The following L3MBTL1 variants were observed in gnomAD, a reference collection of about 807,000 sequenced individuals.
L3MBTL1 encodes L3MBTL histone methyl-lysine binding protein 1, also known as lethal(3)malignant brain tumor-like protein 1.
In L3MBTL1, 75 loss-of-function variants were observed where a neutral mutation model predicts 105.3. The observed-to-expected ratio is 0.71, with a 90% CI of 0.59 to 0.86. L3MBTL1 has a LOEUF of 0.86. L3MBTL1 is among the 40% of genes least tolerant of loss of function. The pLI, the probability that L3MBTL1 is intolerant of heterozygous loss-of-function variation, is 0.00. For synonymous variants in L3MBTL1, 452 were observed against 436.2 expected (o/e 1.04, Z -0.45); for missense variants, 1,069 against 1,126.4 (o/e 0.95, Z 0.73).
At chr20:43,528,492 C>T (rs2019147487) in intron 7 of L3MBTL1, among the ~76,000 whole-genome samples, 165 bp from the exon 8 acceptor site, 1 of 152,214 alleles carries the variant, frequency 6.6e-6, no homozygotes. Context: ...AGCCTCCCCT[C>T]AGCCCCGTGT....
intron 19 of L3MBTL1, among the ~76,000 whole-genome samples, chr20:43,538,458 T>C (rs767156797): frequency 1.4e-4 from 22 of 152,224 alleles, no homozygotes; most frequent in Non-Finnish European, 2.2e-4. Flanking sequence ...CCTGCTCTTC[T>C]AGCTGGCCTG....
intron 6 of L3MBTL1, 45 bp downstream of exon 6, chr20:43,515,460 T>C: frequency 6.5e-7 from 1 of 1,535,238 alleles, no homozygotes; most frequent in East Asian, 2.5e-5. Flanking sequence ...CTATAGCCTA[T>C]GCCTCAATTC....
chr20:43,519,635 T>G (rs1013376397), intron 7 of L3MBTL1, among the ~76,000 whole-genome samples: 2 of 152,056 alleles, frequency 1.3e-5, no homozygotes, highest in African/African-American at 4.8e-5. Context: ...AAACTCCATC[T>G]CAAAAAAGAA....
In L3MBTL1 at chr20:43,513,544, A is replaced by G. The variant is rs1386192343; in HGVS notation, c.41A>G (p.Lys14Arg). 8 of 1,550,584 alleles carry G rather than the reference A, an allele frequency of 5.2e-6. No individual in the cohort carries two copies. The Admixed American group carries it at 1.6e-4, about 30-fold the overall frequency. ...GAAATGGAGATGCTGAGGACACTGA[A>G]GGGGCCTTCCACAGGGGAGGTCAGC... is the stretch of plus-strand genomic sequence containing the variant. ...HAEMEMLRTL[K>R]GPSTGEVSMH... Residue 14 changes from lysine (K) to arginine (R), a missense_variant, in exon 2 of 22, where the codon AAG becomes AGG. Transcript: ENST00000418998.
Position 43,530,388 on chromosome 20 carries a change from G to A in L3MBTL1, c.1161G>A (p.Glu387=), listed in dbSNP as rs201018207. 159 of 1,614,046 alleles carry A rather than the reference G, an allele frequency of 9.9e-5. No homozygotes were observed. Among genetic ancestry groups the A allele is most frequent in the Non-Finnish European group, 1.2e-4 (146 of 1,180,026 alleles). The change falls in exon 10 of 22, where the codon GAG becomes GAA. Residue 387 remains glutamate, a synonymous_variant. Coordinates refer to ENST00000418998, the MANE Select transcript of L3MBTL1 (RefSeq NM_001377303.1). Reference sequence around the variant, plus strand: ...ACATTCACCCTGCTGGCTGGTTCGAGAAGACGGGCCACAAGCTGCAGCCTC... The same window carrying A: ...ACATTCACCCTGCTGGCTGGTTCGAAAAGACGGGCCACAAGCTGCAGCCTC... ...SPDIHPAGWF[E]KTGHKLQPPK...
At chr20:43,522,847 A>T (rs2018806064) in intron 7 of L3MBTL1, among the ~76,000 whole-genome samples, 1 of 147,738 alleles carries the variant, frequency 6.8e-6, no homozygotes, top group African/African-American at 2.5e-5. Context: ...TCACCTCTAT[A>T]ATCCCAGCAC....
chr20:43,547,261 C>T (rs1052204047), intron 18 of L3MBTL1, among the ~76,000 whole-genome samples: 5 of 152,076 alleles, frequency 3.3e-5, no homozygotes, highest in Admixed American at 6.5e-5. Flanking sequence ...CCCGCCACCA[C>T]GCCCAGCTAA....
intron 7 of L3MBTL1, 40 bp downstream of exon 7, chr20:43,516,217 G>A: frequency 6.8e-7 from 1 of 1,462,718 alleles, no homozygotes. Context: ...TGTGAGGTGT[G>A]TATATACCTT....
intron 7 of L3MBTL1, chr20:43,523,652 C>T (rs984292258): frequency 4.7e-5 from 9 of 193,180 alleles, no homozygotes; most frequent in Admixed American, 1.0e-4. Context: ...AAGGTCTGTA[C>T]TGGTCAACAA....
intron 7 of L3MBTL1, among the ~76,000 whole-genome samples, chr20:43,522,129 G>T (rs1052848479): frequency 3.9e-5 from 6 of 152,136 alleles, no homozygotes; most frequent in African/African-American, 1.4e-4. Context: ...GGCCGAGGCG[G>T]GTGGATCACG....
At chr20:43,549,581 G>C (rs1978850255) in exon 19 of L3MBTL1, 1 of 152,378 alleles carries the variant, frequency 6.6e-6, no homozygotes. Context: ...TGGGTGGGAA[G>C]GGGGAGAGCC....
chr20:43,513,928 T>C lies in L3MBTL1; in HGVS notation c.227T>C (p.Val76Ala), dbSNP rs1345701549. 2 of 1,550,384 alleles carry C rather than the reference T, an allele frequency of 1.3e-6. No individual in the cohort carries two copies. Among genetic ancestry groups the C allele is most frequent in the African/African-American group, 1.4e-5 (1 of 73,178 alleles). The change falls in exon 3 of 22, where the codon GTG (valine) becomes GCG (alanine). Residue 76 changes from valine (V) to alanine (A), a missense_variant. Transcript: ENST00000418998. ...ATCCATGTGGGTGCCCCGGAGCAAGTGGCCGGCTGCGAACCAGTTTCTGCC... is the reference window on the plus strand; with the variant it reads ...ATCCATGTGGGTGCCCCGGAGCAAGCGGCCGGCTGCGAACCAGTTTCTGCC... ...EPIHVGAPEQVAGCEPVSATV... is the reference protein window; with the variant it reads ...EPIHVGAPEQAAGCEPVSATV...
At position 43,523,765 on chromosome 20, in the gene L3MBTL1, G is replaced by A. The variant is rs184386182; in HGVS notation, c.863-4892G>A. Among the ~76,000 whole-genome samples, 865 of 152,054 alleles carry A rather than the reference G, an allele frequency of 5.7e-3. 26 individuals are homozygous for A. The highest frequency in any genetic ancestry group is 0.051 in the Admixed American group (783 of 15,270). ...AGATAGAAATAGGGGAGGCCAAGGC[G>A]GGCGAATTGCCTGAGGTCAGGAGTT... On this transcript the variant is annotated intron_variant, in intron 7 of 21. Transcript: ENST00000418998.
At chr20:43,515,640 G>A (rs1426542377) in intron 6 of L3MBTL1, 5 of 572,640 alleles carry the variant, frequency 8.7e-6, no homozygotes, top group Non-Finnish European at 1.5e-5. Flanking sequence ...TCAGTTTAGT[G>A]TCAAGGTTAA....
chr20:43,515,189 C>A (rs1568918255), intron 5 of L3MBTL1, 30 bp downstream of exon 5: 1 of 1,614,094 alleles, frequency 6.2e-7, no homozygotes, highest in Non-Finnish European at 8.5e-7. Flanking sequence ...GCCCTACTTG[C>A]TCTACCTTCA....
At chr20:43,524,655 T>A (rs1402929538) in intron 7 of L3MBTL1, among the ~76,000 whole-genome samples, 1 of 152,056 alleles carries the variant, frequency 6.6e-6, no homozygotes, top group Non-Finnish European at 1.5e-5. Flanking sequence ...TAACAAGCAT[T>A]TGTTGTGCAT....
In L3MBTL1 at chr20:43,534,816, T is replaced by C. The variant is rs757497391; in HGVS notation, c.1711-12T>C. On this transcript the variant is annotated splice_polypyrimidine_tract_variant and intron_variant, in intron 15 of 21. Coordinates refer to ENST00000418998, the MANE Select transcript of L3MBTL1 (RefSeq NM_001377303.1). ...GAGAAACGCCTGACTTCCAAGAGCCTTTCCTCCCCAGATCCACTTTGATGG... is the reference window on the plus strand; with the variant it reads ...GAGAAACGCCTGACTTCCAAGAGCCCTTCCTCCCCAGATCCACTTTGATGG... 1 of 1,599,004 alleles carries C rather than the reference T, an allele frequency of 6.3e-7. No individual in the cohort carries two copies.
chr20:43,529,194 C>T (rs972731148), intron 8 of L3MBTL1, 70 bp from the exon 9 acceptor site: 60 of 1,221,848 alleles, frequency 4.9e-5, no homozygotes, highest in Non-Finnish European at 7.0e-5. Context: ...GCAGCTCCTT[C>T]ACCCCAAGCC....
chr20:43,528,801 C>T (rs759499490), intron 8 of L3MBTL1, 56 bp downstream of exon 8: 3 of 1,336,830 alleles, frequency 2.2e-6, no homozygotes, highest in East Asian at 4.6e-5. Flanking sequence ...TAGGGACACA[C>T]CACCAACCTC....
Sources: gnomAD v4.1 joint callset for allele counts (sites outside exome capture counted in the v4.1 genomes callset) on GRCh38, gnomAD v4.1.1 for gene constraint, MANE v1.5 for transcripts, NCBI Gene and HGNC (gene_info 2026-07-23, HGNC 2026-07-21) for gene names.